KHDRBS2: variants seen among roughly 807,000 people sequenced by gnomAD.
The protein encoded by KHDRBS2 is KH RNA binding domain containing, signal transduction associated 2.
Under a neutral mutation model 44.3 loss-of-function variants are expected in KHDRBS2, and 26 were observed. That is an observed-to-expected ratio of 0.59 (90% CI 0.43 to 0.81). The LOEUF (loss-of-function observed/expected upper bound fraction) is 0.81, where lower values mean the gene tolerates loss of function less well. Among genes scored for constraint, KHDRBS2 ranks in the 40% least tolerant of loss-of-function variants. KHDRBS2 has a pLI of 0.00. For synonymous variants in KHDRBS2, 194 were observed against 151.1 expected (o/e 1.28, Z -2.08); for missense variants, 476 against 433.1 (o/e 1.10, Z -0.88).
At chr6:61,571,998 C>A in the KHDRBS2 span, among the ~76,000 whole-genome samples, 1 of 151,626 alleles carries the variant, frequency 6.6e-6, no homozygotes, top group Admixed American at 6.6e-5. Flanking sequence ...ATTGAAACAA[C>A]AAAAAATACA....
the KHDRBS2 span, among the ~76,000 whole-genome samples, chr6:61,626,879 T>C: frequency 3.9e-5 from 6 of 152,172 alleles, no homozygotes; most frequent in Non-Finnish European, 5.9e-5. Flanking sequence ...TCAGTTTTTT[T>C]TTTGGAGTTT....
At chr6:61,673,274 A>G in the KHDRBS2 span, among the ~76,000 whole-genome samples, 2,527 of 151,412 alleles carry the variant, frequency 0.017, 36 homozygotes, top group Non-Finnish European at 0.024. Context: ...TTGAAGTCAG[A>G]TAGTGTGATG....
In KHDRBS2 at chr6:62,061,514, T is replaced by G. The variant is rs1791873039; in HGVS notation, c.220-13520A>C. The stretch of plus-strand genomic sequence containing the variant: ...TTGAATATTGGCCCCCACTCTCTTC[T>G]GGCTTGTAGGGTTTCTGCCAAGAGA... On this transcript the variant is annotated intron_variant, in intron 2 of 8. Transcript: ENST00000281156. 2.0e-5 allele frequency among the ~76,000 whole-genome samples: 3 copies of G among 149,358 alleles called. 1 individual carries two copies. The highest frequency in any genetic ancestry group is 2.0e-4 in the Admixed American group (3 of 14,968).
At chr6:61,763,504 T>C (rs1425224427) in intron 6 of KHDRBS2, among the ~76,000 whole-genome samples, 1 of 152,180 alleles carries the variant, frequency 6.6e-6, no homozygotes, top group Non-Finnish European at 1.5e-5. Flanking sequence ...GCAGTAAATG[T>C]GAATTTCCGA....
At position 62,249,656 on chromosome 6, in the gene KHDRBS2, C is replaced by T. The variant is rs181373434; in HGVS notation, c.91+36202G>A. Among the ~76,000 whole-genome samples the T allele has an allele frequency of 2.6e-3, 388 of 152,036 alleles. 4 individuals carry two copies. Among genetic ancestry groups the T allele is most frequent in the African/African-American group, 8.6e-3 (356 of 41,526 alleles). On this transcript the variant is annotated intron_variant, in intron 1 of 8. Coordinates refer to ENST00000281156, the MANE Select transcript of KHDRBS2 (RefSeq NM_152688.4). ...CCTCCTATAGTTTGTGGAATGCAGG[C>T]GGCCATTTAACTGTAATTGAAAACC... is the stretch of plus-strand genomic sequence containing the variant.
At chr6:62,053,117 C>A (rs1441500241) in intron 2 of KHDRBS2, among the ~76,000 whole-genome samples, 1 of 151,800 alleles carries the variant, frequency 6.6e-6, no homozygotes, top group Non-Finnish European at 1.5e-5. Context: ...TAAATATATA[C>A]AATAAAATGT....
chr6:62,113,464 T>G (rs904395405), intron 2 of KHDRBS2, among the ~76,000 whole-genome samples: 2 of 152,150 alleles, frequency 1.3e-5, no homozygotes, highest in African/African-American at 4.8e-5. Flanking sequence ...GCTTAATATA[T>G]GAGGTACAGA....
chr6:61,965,427 T>C (rs1210339191), intron 4 of KHDRBS2, among the ~76,000 whole-genome samples: 1 of 152,060 alleles, frequency 6.6e-6, no homozygotes, highest in Non-Finnish European at 1.5e-5. Context: ...TCAAGTTGGG[T>C]TTGGAGAAAC....
At chr6:62,214,973 C>G (rs904068901) in intron 1 of KHDRBS2, among the ~76,000 whole-genome samples, 1 of 148,150 alleles carries the variant, frequency 6.7e-6, no homozygotes, top group African/African-American at 2.5e-5. Flanking sequence ...AGTATACATA[C>G]AAATCAAGAC....
chr6:62,046,568 G>T (rs773292599), intron 3 of KHDRBS2, among the ~76,000 whole-genome samples: 10 of 151,792 alleles, frequency 6.6e-5, no homozygotes, highest in Admixed American at 1.3e-4. Context: ...TGAAGTATTT[G>T]GGAAATTCAT....
chr6:62,206,149 A>G (rs1827927991), intron 1 of KHDRBS2, among the ~76,000 whole-genome samples: 1 of 152,154 alleles, frequency 6.6e-6, no homozygotes. Flanking sequence ...GAACCTCACT[A>G]AAAGTATCTT....
At chr6:61,696,750 C>A (rs1767954403) in intron 8 of KHDRBS2, among the ~76,000 whole-genome samples, 1 of 151,778 alleles carries the variant, frequency 6.6e-6, no homozygotes, top group Admixed American at 6.6e-5. Context: ...TTTTTTTGAG[C>A]CAAGCATTAT....
chr6:61,916,851 G>T (rs539438391), intron 4 of KHDRBS2, among the ~76,000 whole-genome samples: 13 of 151,518 alleles, frequency 8.6e-5, no homozygotes, highest in Non-Finnish European at 1.0e-4. Context: ...TATGTCATTA[G>T]GGAATTTCAA....
At chr6:61,897,968 T>A (rs1393407123) in intron 5 of KHDRBS2, among the ~76,000 whole-genome samples, 1 of 152,158 alleles carries the variant, frequency 6.6e-6, no homozygotes, top group African/African-American at 2.4e-5. Flanking sequence ...CATTCATCAA[T>A]TATGCAAAAT....
At chr6:62,061,391 T>C (rs1791827749) in intron 2 of KHDRBS2, among the ~76,000 whole-genome samples, 1 of 151,714 alleles carries the variant, frequency 6.6e-6, no homozygotes. Flanking sequence ...TCTCTCAGCA[T>C]TTGCTTGTCT....
chr6:61,623,680 GC>G, the KHDRBS2 span, among the ~76,000 whole-genome samples: 3 of 152,200 alleles, frequency 2.0e-5, no homozygotes, highest in African/African-American at 7.2e-5. Flanking sequence ...TAAGCAGGTA[GC>G]CCTTTTAGGG....
At chr6:61,993,027 A>G (rs1426112454) in intron 3 of KHDRBS2, among the ~76,000 whole-genome samples, 2 of 152,182 alleles carry the variant, frequency 1.3e-5, no homozygotes, top group Non-Finnish European at 2.9e-5. Flanking sequence ...CAGGAAACTG[A>G]TATGATATTG....
chr6:61,758,656 C>T (rs1683895417), intron 6 of KHDRBS2, among the ~76,000 whole-genome samples: 1 of 151,966 alleles, frequency 6.6e-6, no homozygotes, highest in Admixed American at 6.6e-5. Flanking sequence ...CACAAGAGTA[C>T]ATAACTTTTC....
chr6:62,044,743 T>C (rs374548715), intron 3 of KHDRBS2, among the ~76,000 whole-genome samples: 58 of 152,134 alleles, frequency 3.8e-4, no homozygotes, highest in African/African-American at 1.3e-3. Flanking sequence ...TTCTGTTGGA[T>C]AAAAAGATTG....
Sources: gnomAD v4.1 joint callset for allele counts (sites outside exome capture counted in the v4.1 genomes callset) on GRCh38, gnomAD v4.1.1 for gene constraint, MANE v1.5 for transcripts, NCBI Gene and HGNC (gene_info 2026-07-23, HGNC 2026-07-21) for gene names.